The following POTEI variants were observed in gnomAD, a reference collection of about 807,000 sequenced individuals.
The protein encoded by POTEI is POTE ankyrin domain family member I.
A neutral mutation model predicts 43.4 loss-of-function variants in POTEI; 14 were observed. The observed-to-expected ratio is 0.32, with a 90% confidence interval of 0.21 to 0.50. The LOEUF (loss-of-function observed/expected upper bound fraction) is 0.50, where lower values mean the gene tolerates loss of function less well. Ranked by LOEUF, POTEI falls within the 20% of genes least tolerant of loss-of-function variation. The probability of loss-of-function intolerance (pLI) is 0.98; values close to 1 mark genes in which losing one functional copy is unlikely to be tolerated. For synonymous variants in POTEI, 95 were observed against 297.9 expected, an observed-to-expected ratio of 0.32 and a Z score of 7.01; for missense variants, 235 against 795.4, an observed-to-expected ratio of 0.30 and a Z score of 8.47.
At chr2:130,507,261 CA>C (rs1227591317) in intron 1 of POTEI, among the ~76,000 whole-genome samples, 2 of 13,160 alleles carry the variant, frequency 1.5e-4, no homozygotes, top group African/African-American at 2.1e-4. Context: ...GAGACTCCAC[CA>C]AAAAAAAAAG....
chr2:130,508,668 C>G, intron 1 of POTEI, 47 bp downstream of exon 1: 2 of 715,210 alleles, frequency 2.8e-6, no homozygotes, highest in Non-Finnish European at 4.1e-6. Context: ...GGGTATGTCC[C>G]CATCATCCCC....
chr2:130,468,839 T>C (rs1682950146), intron 13 of POTEI, among the ~76,000 whole-genome samples: 1 of 152,204 alleles, frequency 6.6e-6, no homozygotes, highest in Non-Finnish European at 1.5e-5. Flanking sequence ...ACCTATTCAG[T>C]CAAAATATAG....
At chr2:130,475,045 A>C (rs940401803) in intron 11 of POTEI, 94 bp from the exon 12 acceptor site, 1 of 352,590 alleles carries the variant, frequency 2.8e-6, no homozygotes, top group African/African-American at 2.7e-5. Context: ...TTTTATTCTG[A>C]AGTAATCAAG....
chr2:130,478,579 G>A (rs1683282615), intron 10 of POTEI, among the ~76,000 whole-genome samples: 1 of 121,860 alleles, frequency 8.2e-6, no homozygotes. Flanking sequence ...ACATTTTGCA[G>A]AAAATGATTA....
intron 5 of POTEI, 74 bp from the exon 6 acceptor site, chr2:130,496,696 A>G: frequency 2.0e-6 from 3 of 1,495,324 alleles, no homozygotes; most frequent in Non-Finnish European, 2.7e-6. Flanking sequence ...ATGTAGAATT[A>G]TTAAGAGTAT....
chr2:130,508,571 C>T (rs1684237891), intron 1 of POTEI, 144 bp downstream of exon 1: 2 of 471,142 alleles, frequency 4.2e-6, no homozygotes, highest in Non-Finnish European at 6.5e-6. Context: ...GGGGCCTGTG[C>T]CCTGACCTCT....
At chr2:130,509,486 C>G (rs1573942833), upstream of POTEI, 4 of 262,238 alleles carry the variant, frequency 1.5e-5, no homozygotes, top group South Asian at 1.1e-4. Context: ...CCCAGCCCAC[C>G]CAAGGGAATG....
At chr2:130,487,768 AC>A (rs1433475505) in intron 9 of POTEI, among the ~76,000 whole-genome samples, 2 of 51,906 alleles carry the variant, frequency 3.9e-5, no homozygotes, top group Non-Finnish European at 8.2e-5. Context: ...CTGCACATGT[AC>A]CCCTGAAACT....
chr2:130,508,710 G>A lies in POTEI; in HGVS notation c.521+5C>T. On this transcript the variant is annotated splice_donor_5th_base_variant and intron_variant, in intron 1 of 14. Coordinates refer to ENST00000451531, the MANE Select transcript of POTEI (RefSeq NM_001277406.2). The stretch of plus-strand genomic sequence containing the variant: ...CCCACCTCCTCCCAGCCCAGGCCTG[G>A]TTACCTCTTTTGCTTGTCCTGCTTG... 1.9e-6 allele frequency: 2 copies of A among 1,062,666 alleles called. No homozygotes were observed. Among genetic ancestry groups the A allele is most frequent in the Non-Finnish European group, 1.3e-6 (1 of 776,350 alleles). 65.8% of individuals were successfully genotyped at this position (1,062,666 alleles called of 1,614,324 possible).
rs1683144613 is a variant in POTEI at position 130,474,951 on chromosome 2, T to C, written c.1552A>G (p.Lys518Glu). ...TTTATTTCTGGTTCTTGAGATCTTT[T>C]CTGCAGATGTAAAAACAGAAGGTTA... is the stretch of plus-strand genomic sequence containing the variant. ...LKGSENGQPE[K>E]RSQEPEINKD... is the part of the protein sequence containing the mutation. Residue 518 changes from lysine to glutamate, a missense_variant and splice_region_variant, in exon 12 of 15, where the codon AAA becomes GAA. Physicochemically the swap from Lys to Glu is moderately conservative, Grantham distance 56. Coordinates refer to ENST00000451531, the MANE Select transcript of POTEI (RefSeq NM_001277406.2). The C allele has an allele frequency of 3.4e-6, 1 of 291,312 alleles. No homozygotes were observed. Among genetic ancestry groups the C allele is most frequent in the East Asian group, 8.0e-5 (1 of 12,578 alleles). The allele number at this position is 291,312 out of a possible 1,614,324, so 18.0% of individuals were successfully genotyped here. A position where few individuals can be genotyped will look rare whatever the true frequency, so the allele number is the denominator to read the frequency against.
Position 130,492,922 on chromosome 2 carries a change from T to C in POTEI, c.1127-2182A>G, listed in dbSNP as rs576953265. On this transcript the variant is annotated intron_variant, in intron 6 of 14. Transcript: ENST00000451531. The stretch of plus-strand genomic sequence containing the variant: ...CTATCTAGTCTTCCTACCCAGTCCA[T>C]AAATTCTAACTCCTGGTACTCACTC... Among the ~76,000 whole-genome samples the C allele has an allele frequency of 7.9e-5, 12 of 151,908 alleles. No homozygotes were observed. In the South Asian group the frequency reaches 8.3e-4, roughly 11 times the overall value.
chr2:130,464,449 A>T (rs1682773845), intron 14 of POTEI, among the ~76,000 whole-genome samples: 1 of 106,136 alleles, frequency 9.4e-6, no homozygotes, highest in Non-Finnish European at 1.9e-5. Flanking sequence ...AGAATCCCAG[A>T]ATTAAAAAAG....
In POTEI at chr2:130,509,029, G is replaced by C; in HGVS notation, c.207C>G (p.Phe69Leu). 6.6e-7 allele frequency: 1 copy of C among 1,519,312 alleles called. No homozygotes were observed. The highest frequency in any genetic ancestry group is 1.4e-5 in the African/African-American group (1 of 69,262). 94.1% of individuals were successfully genotyped at this position (1,519,312 alleles called of 1,614,324 possible). A position where few individuals can be genotyped will look rare whatever the true frequency, so the allele number is the denominator to read the frequency against. The change falls in exon 1 of 15, where the codon TTC becomes TTG. Residue 69 changes from phenylalanine to leucine, a missense_variant. By Grantham distance (22) the Phe-to-Leu change is conservative. Transcript: ENST00000451531. ...TCTTGCCACTCCCCCTGCAGCAGGG[G>C]AAGCAGTGGCAGCACCACTTGCCCA... ...SKMGKWCCHC[F>L]PCCRGSGKSN...
intron 10 of POTEI, among the ~76,000 whole-genome samples, chr2:130,479,172 G>T (rs1031315855): frequency 2.1e-5 from 3 of 143,874 alleles, no homozygotes; most frequent in Admixed American, 2.1e-4. Context: ...CCTCTCTTCT[G>T]CCTCTGTTTT....
At chr2:130,479,849 AT>A (rs1332541550) in intron 10 of POTEI, among the ~76,000 whole-genome samples, 1 of 34,298 alleles carries the variant, frequency 2.9e-5, no homozygotes, top group Admixed American at 3.5e-4. Flanking sequence ...GGCAGAAAAA[AT>A]ATAAGTCTAT....
intron 10 of POTEI, among the ~76,000 whole-genome samples, chr2:130,479,281 A>G (rs1683314601): frequency 6.6e-6 from 1 of 151,360 alleles, no homozygotes; most frequent in South Asian, 2.1e-4. Flanking sequence ...GGAAAAAAAA[A>G]TTAAGCAAAA....
chr2:130,460,349 T>C lies in POTEI; in HGVS notation c.*2467A>G, dbSNP rs1235426625. ...CTCTACACAAACGTGGCTAGACTTC[T>C]TTTATTAAGCAAGTCTCCTTTTTTT... On this transcript the variant is annotated 3_prime_UTR_variant, in exon 15 of 15. Transcript: ENST00000451531. 5.3e-5 allele frequency: 8 copies of C among 152,184 alleles called. No homozygotes were observed. Among genetic ancestry groups the C allele is most frequent in the African/African-American group, 1.9e-4 (8 of 41,468 alleles). The allele number at this position is 152,184 out of a possible 1,614,324, so 9.4% of individuals were successfully genotyped here. A position where few individuals can be genotyped will look rare whatever the true frequency, so the allele number is the denominator to read the frequency against.
At chr2:130,494,938 A>G (rs1321979758) in intron 6 of POTEI, among the ~76,000 whole-genome samples, 8 of 102,848 alleles carry the variant, frequency 7.8e-5, no homozygotes, top group Admixed American at 1.2e-4. Flanking sequence ...GGTATCTCAC[A>G]CTTTTGGTAC....
In POTEI at chr2:130,479,154, T is replaced by G. The variant is rs1417985212; in HGVS notation, c.1481-2453A>C. Among the ~76,000 whole-genome samples the G allele has an allele frequency of 9.9e-5, 14 of 140,820 alleles. 1 individual carries two copies. Among genetic ancestry groups the G allele is most frequent in the Admixed American group, 4.3e-4 (6 of 13,974 alleles). The allele number at this position is 140,820 out of a possible 152,430, so 92.4% of individuals were successfully genotyped here. On this transcript the variant is annotated intron_variant, in intron 10 of 14. Transcript: ENST00000451531. Reference sequence around the variant, plus strand: ...TCATTCAATTATCACTAAATCATATTGACTATACCTCTCTTCTGCCTCTGT... The same window carrying G: ...TCATTCAATTATCACTAAATCATATGGACTATACCTCTCTTCTGCCTCTGT...
Sources: gnomAD v4.1 joint callset for allele counts (sites outside exome capture counted in the v4.1 genomes callset) on GRCh38, gnomAD v4.1.1 for gene constraint, MANE v1.5 for transcripts, NCBI Gene and HGNC (gene_info 2026-07-23, HGNC 2026-07-21) for gene names.